SNRNP25: variants seen among roughly 807,000 people sequenced by gnomAD.
SNRNP25 encodes the protein U11/U12 small nuclear ribonucleoprotein 25 kDa protein.
A neutral mutation model predicts 23.9 loss-of-function variants in SNRNP25; 21 were observed. The ratio of observed to expected loss-of-function variants is 0.88; its 90% CI spans 0.62 to 1.27. The LOEUF (loss-of-function observed/expected upper bound fraction) is 1.27, where lower values mean the gene tolerates loss of function less well. SNRNP25 is among the 50% of genes most tolerant of loss of function. The pLI, the probability that SNRNP25 is intolerant of heterozygous loss-of-function variation, is 0.00. For missense variants in SNRNP25, 160 were observed against 156.9 expected, an observed-to-expected ratio of 1.02 and a Z score of -0.11; for synonymous variants, 63 against 60.4, an observed-to-expected ratio of 1.04 and a Z score of -0.20.
Position 53,936 on chromosome 16 carries a change from G to C in SNRNP25, c.-81G>C, listed in dbSNP as rs369430027. 5 of 1,569,912 alleles carry C rather than the reference G, an allele frequency of 3.2e-6. No individual in the cohort carries two copies. The South Asian group carries it at 3.5e-5, about 11-fold the overall frequency. On this transcript the variant is annotated 5_prime_UTR_variant, in exon 1 of 5. Transcript: ENST00000293861. ...GGAGACGGAGGCCGCGGGTGGGCCC[G>C]AGGCGCAAGAGGAAGATGAGGACGA...
chr16:53,869 T>C lies in SNRNP25; in HGVS notation c.-148T>C. On this transcript the variant is annotated 5_prime_UTR_variant, in exon 1 of 5. Coordinates refer to ENST00000293861, the MANE Select transcript of SNRNP25 (RefSeq NM_024571.4). ...CGCGCTTGGCCTCCCTAGTGCGGGC[T>C]GGCAGTGCGGGCAGAGCCCGGCTGA... 3 of 1,463,998 alleles carry C rather than the reference T, an allele frequency of 2.0e-6. No homozygotes were observed. The South Asian group carries it at 3.7e-5, about 18-fold the overall frequency. The allele number at this position is 1,463,998 out of a possible 1,614,324, so 90.7% of individuals were successfully genotyped here. A position where few individuals can be genotyped will look rare whatever the true frequency, so the allele number is the denominator to read the frequency against.
At chr16:56,962 G>A in intron 4 of SNRNP25, 124 bp from the exon 5 acceptor site, 1 of 1,083,190 alleles carries the variant, frequency 9.2e-7, no homozygotes, top group Non-Finnish European at 1.4e-6. Context: ...GCACTTCCTG[G>A]CCTTCCCAGA....
intron 3 of SNRNP25, 53 bp from the exon 4 acceptor site, chr16:56,486 A>C: frequency 6.3e-7 from 1 of 1,578,524 alleles, no homozygotes; most frequent in East Asian, 2.2e-5. Flanking sequence ...ATGCAGAGCC[A>C]CTCAGCTCAC....
At chr16:56,852 G>A (rs796194539) in intron 4 of SNRNP25, among the ~76,000 whole-genome samples, 10 of 152,334 alleles carry the variant, frequency 6.6e-5, no homozygotes, top group African/African-American at 2.4e-4. Context: ...AATCAGAGTG[G>A]GCATGGAGGC....
At position 55,894 on chromosome 16, in the gene SNRNP25, A is replaced by G; in HGVS notation, c.239+12A>G. Reference sequence around the variant, plus strand: ...CAGCACATCAGCTGGTAAGTGGAACAACATTCCCTTCATTATAGCCCTTCG... The same window carrying G: ...CAGCACATCAGCTGGTAAGTGGAACGACATTCCCTTCATTATAGCCCTTCG... On this transcript the variant is annotated intron_variant, in intron 3 of 4. Coordinates refer to ENST00000293861, the MANE Select transcript of SNRNP25 (RefSeq NM_024571.4). 1 of 1,611,872 alleles carries G rather than the reference A, an allele frequency of 6.2e-7. No homozygotes were observed. Among genetic ancestry groups the G allele is most frequent in the Non-Finnish European group, 8.5e-7 (1 of 1,178,636 alleles).
intron 3 of SNRNP25, chr16:56,336 CA>C: frequency 1.4e-6 from 1 of 717,442 alleles, no homozygotes; most frequent in Non-Finnish European, 2.6e-6. Context: ...TTTGTTTGGC[CA>C]AGCCGCCCCA....
At position 57,533 on chromosome 16, in the gene SNRNP25, C is replaced by T; in HGVS notation, c.*390C>T. On this transcript the variant is annotated 3_prime_UTR_variant, in exon 5 of 5. Coordinates refer to ENST00000293861, the MANE Select transcript of SNRNP25 (RefSeq NM_024571.4). ...GTGAGTTAAGGGGAGAGAATTGGTA[C>T]AGGCGAGTCCTATAGTCCAAGATGG... is the stretch of plus-strand genomic sequence containing the variant. The T allele has an allele frequency of 4.0e-6, 1 of 247,500 alleles. No individual in the cohort carries two copies. Among genetic ancestry groups the T allele is most frequent in the Non-Finnish European group, 8.0e-6 (1 of 124,886 alleles). 15.3% of individuals were successfully genotyped at this position (247,500 alleles called of 1,614,324 possible).
Position 57,203 on chromosome 16 carries a change from G to A in SNRNP25, c.*60G>A. The A allele has an allele frequency of 1.3e-6, 2 of 1,556,364 alleles. No homozygotes were observed. Among genetic ancestry groups the A allele is most frequent in the Non-Finnish European group, 1.8e-6 (2 of 1,128,248 alleles). Reference sequence around the variant, plus strand: ...GGCTGAGCTTTTTCCCAGCAGGAATGGGTCCTCGAATCATCGTGCCTCTTT... The same window carrying A: ...GGCTGAGCTTTTTCCCAGCAGGAATAGGTCCTCGAATCATCGTGCCTCTTT... On this transcript the variant is annotated 3_prime_UTR_variant, in exon 5 of 5. Coordinates refer to ENST00000293861, the MANE Select transcript of SNRNP25 (RefSeq NM_024571.4).
Position 57,222 on chromosome 16 carries a change from C to T in SNRNP25, c.*79C>T. 6.8e-7 allele frequency: 1 copy of T among 1,465,928 alleles called. No individual in the cohort carries two copies. Among genetic ancestry groups the T allele is most frequent in the Non-Finnish European group, 9.6e-7 (1 of 1,047,016 alleles). The allele number at this position is 1,465,928 out of a possible 1,614,324, so 90.8% of individuals were successfully genotyped here. On this transcript the variant is annotated 3_prime_UTR_variant, in exon 5 of 5. Transcript: ENST00000293861. ...AGGAATGGGTCCTCGAATCATCGTG[C>T]CTCTTTCACAGAAAGGACGTTGTGG...
intron 1 of SNRNP25, among the ~76,000 whole-genome samples, chr16:54,522 T>C (rs953703377): frequency 9.2e-5 from 14 of 152,046 alleles, no homozygotes; most frequent in African/African-American, 3.4e-4. Context: ...AATGCTGGGA[T>C]TTAGGTGTGA....
Position 55,085 on chromosome 16 carries a change from C to T in SNRNP25, c.43-374C>T, listed in dbSNP as rs936580278. On this transcript the variant is annotated intron_variant, in intron 1 of 4. Coordinates refer to ENST00000293861, the MANE Select transcript of SNRNP25 (RefSeq NM_024571.4). ...TTGTTATTACCGTGTTTTGCTGCCC[C>T]GGTAAATTTTGCACACCTGCCTTAC... 3.3e-5 allele frequency: 6 copies of T among 182,074 alleles called. No homozygotes were observed. In the East Asian group the frequency reaches 5.8e-4, roughly 18 times the overall value. 11.3% of individuals were successfully genotyped at this position (182,074 alleles called of 1,614,324 possible). A position where few individuals can be genotyped will look rare whatever the true frequency, so the allele number is the denominator to read the frequency against.
In SNRNP25 at chr16:57,144, G is replaced by A; in HGVS notation, c.*1G>A. On this transcript the variant is annotated 3_prime_UTR_variant, in exon 5 of 5. Transcript: ENST00000293861. ...CATCAAAAAGCTGAGGCAAAAGTGAGCCTCCAGACAGGACAACCCTCTTCA... is the reference window on the plus strand; with the variant it reads ...CATCAAAAAGCTGAGGCAAAAGTGAACCTCCAGACAGGACAACCCTCTTCA... The A allele has an allele frequency of 6.2e-7, 1 of 1,614,062 alleles. No homozygotes were observed. Among genetic ancestry groups the A allele is most frequent in the South Asian group, 1.1e-5 (1 of 91,088 alleles).
At chr16:54,319 G>T (rs1177286525) in intron 1 of SNRNP25, among the ~76,000 whole-genome samples, 1 of 152,238 alleles carries the variant, frequency 6.6e-6, no homozygotes, top group African/African-American at 2.4e-5. Flanking sequence ...GGGGGACAGG[G>T]TCTTGCTGCG....
At chr16:56,059 G>T in intron 3 of SNRNP25, 177 bp downstream of exon 3, 2 of 666,294 alleles carry the variant, frequency 3.0e-6, no homozygotes, top group East Asian at 2.7e-5. Context: ...AGTGCGGGTC[G>T]TTCTGTGCCT....
In SNRNP25 at chr16:53,867, G is replaced by T. The variant is rs1310531019; in HGVS notation, c.-150G>T. 2.7e-6 allele frequency: 4 copies of T among 1,471,864 alleles called. No individual in the cohort carries two copies. The African/African-American group carries it at 5.6e-5, about 21-fold the overall frequency. The allele number at this position is 1,471,864 out of a possible 1,614,324, so 91.2% of individuals were successfully genotyped here. On this transcript the variant is annotated 5_prime_UTR_variant, in exon 1 of 5. Transcript: ENST00000293861. The stretch of plus-strand genomic sequence containing the variant: ...TGCGCGCTTGGCCTCCCTAGTGCGG[G>T]CTGGCAGTGCGGGCAGAGCCCGGCT...
In SNRNP25 at chr16:55,610, A is replaced by G; in HGVS notation, c.133+61A>G. On this transcript the variant is annotated intron_variant, in intron 2 of 4. Coordinates refer to ENST00000293861, the MANE Select transcript of SNRNP25 (RefSeq NM_024571.4). The stretch of plus-strand genomic sequence containing the variant: ...CCAGGCTTTCACAGCAGGAAGACCT[A>G]ACAGTGCTGGTCAGCCTGCTCAGAA... 1.9e-6 allele frequency: 3 copies of G among 1,593,634 alleles called. No homozygotes were observed. The Admixed American group carries it at 5.0e-5, about 27-fold the overall frequency.
At position 55,492 on chromosome 16, in the gene SNRNP25, C is replaced by T; in HGVS notation, c.76C>T (p.Leu26=). 1 of 1,614,138 alleles carries T rather than the reference C, an allele frequency of 6.2e-7. No homozygotes were observed. Among genetic ancestry groups the T allele is most frequent in the Non-Finnish European group, 8.5e-7 (1 of 1,180,024 alleles). The change falls in exon 2 of 5, where the codon CTA becomes TTA. Residue 26 remains leucine (L), a synonymous_variant. Coordinates refer to ENST00000293861, the MANE Select transcript of SNRNP25 (RefSeq NM_024571.4). ...TLEEVNSQIA[L]EYGQAMTVRV... ...GGAAGAAGTCAACTCCCAAATAGCC[C>T]TAGAATACGGCCAGGCAATGACGGT... is the stretch of plus-strand genomic sequence containing the variant.
intron 2 of SNRNP25, 53 bp downstream of exon 2, chr16:55,602 G>A (rs1897396804): frequency 6.2e-7 from 1 of 1,603,472 alleles, no homozygotes; most frequent in Non-Finnish European, 8.5e-7. Context: ...TTCACAGCAG[G>A]AAGACCTAAC....
At chr16:55,367 C>A in intron 1 of SNRNP25, 92 bp from the exon 2 acceptor site, 1 of 1,141,680 alleles carries the variant, frequency 8.8e-7, no homozygotes, top group South Asian at 1.3e-5. Flanking sequence ...AAATGGAGCA[C>A]CACTTTTTGG....
Sources: gnomAD v4.1 joint callset for allele counts (sites outside exome capture counted in the v4.1 genomes callset) on GRCh38, gnomAD v4.1.1 for gene constraint, MANE v1.5 for transcripts, NCBI Gene and HGNC (gene_info 2026-07-23, HGNC 2026-07-21) for gene names.